Variants in VSIG10 observed in about 807,000 individuals in gnomAD.
The protein encoded by VSIG10 is V-set and immunoglobulin domain-containing protein 10.
A neutral mutation model predicts 58.7 loss-of-function variants in VSIG10; 48 were observed. The ratio of observed to expected loss-of-function variants is 0.82; its 90% CI spans 0.65 to 1.04. The LOEUF is 1.04. VSIG10 is among the 50% of genes least tolerant of loss of function. The pLI, the probability that VSIG10 is intolerant of heterozygous loss-of-function variation, is 0.00. For synonymous variants in VSIG10, 260 were observed against 267.1 expected, an observed-to-expected ratio of 0.97 and a Z score of 0.26; for missense variants, 628 against 670.0, an observed-to-expected ratio of 0.94 and a Z score of 0.69.
intron 2 of VSIG10, among the ~76,000 whole-genome samples, chr12:118,087,202 C>G (rs2033151922): frequency 2.0e-5 from 3 of 152,078 alleles, no homozygotes; most frequent in Admixed American, 6.6e-5. Flanking sequence ...TCAACTTCAC[C>G]TTTCAATTAA....
At chr12:118,080,668 A>G (rs978988092) in intron 3 of VSIG10, among the ~76,000 whole-genome samples, 2 of 152,204 alleles carry the variant, frequency 1.3e-5, no homozygotes, top group Non-Finnish European at 2.9e-5. Context: ...CCATCCACGC[A>G]AGGAACGGAC....
intron 2 of VSIG10, among the ~76,000 whole-genome samples, chr12:118,088,205 C>A (rs568109706): frequency 2.0e-5 from 3 of 150,354 alleles, no homozygotes; most frequent in African/African-American, 7.4e-5. Flanking sequence ...AGCCATTGCA[C>A]TCCAGCCTGG....
rs781283667 is a variant in VSIG10, at chr12:118,073,710, AG to A, written c.1207del (p.Leu403Ter). 6 of 1,609,690 alleles carry A rather than the reference AG, an allele frequency of 3.7e-6. No individual in the cohort carries two copies. The highest frequency in any genetic ancestry group is 5.1e-6 in the Non-Finnish European group (6 of 1,177,434). On this transcript the variant is annotated frameshift_variant, in exon 5 of 9. Coordinates refer to ENST00000359236, the MANE Select transcript of VSIG10 (RefSeq NM_019086.6). LOFTEE classifies it high-confidence loss of function. ...PVGVREMEIW[L>X]SVKEPLNIGG... is the part of the protein sequence containing the mutation. Reference sequence around the variant, plus strand: ...GTTCCACCACTCACCTTTCACACTCAGCCAGATTTCCATCTCCCTCACCCCT... The same window carrying A: ...GTTCCACCACTCACCTTTCACACTCACCAGATTTCCATCTCCCTCACCCCT...
intron 7 of VSIG10, 122 bp from the exon 8 acceptor site, chr12:118,068,719 G>T: frequency 8.0e-7 from 1 of 1,255,694 alleles, no homozygotes; most frequent in South Asian, 1.6e-5. Context: ...ATTACAGCTT[G>T]GTGAAGTAAT....
At chr12:118,096,981 G>A (rs1453364095) in intron 1 of VSIG10, among the ~76,000 whole-genome samples, 1 of 152,188 alleles carries the variant, frequency 6.6e-6, no homozygotes, top group Non-Finnish European at 1.5e-5. Context: ...GGAGGTTGCG[G>A]TGAGCCGAGA....
chr12:118,073,840 G>T lies in VSIG10; in HGVS notation c.1078C>A (p.Arg360Ser), dbSNP rs376013945. The change falls in exon 5 of 9, where the codon CGC (arginine) becomes AGC (serine). Residue 360 changes from arginine to serine, a missense_variant. Arg to Ser is a moderately radical substitution (Grantham distance 110). Transcript: ENST00000359236. ...TGGCCATCCTGGGTAATGAGATGGCGGCTGCTAGGCTGGATGATCACCTCG... is the reference window on the plus strand; with the variant it reads ...TGGCCATCCTGGGTAATGAGATGGCTGCTGCTAGGCTGGATGATCACCTCG... ...QPEVIIQPSS[R>S]HLITQDGQNS... 1.2e-6 allele frequency: 2 copies of T among 1,613,900 alleles called. No homozygotes were observed. Among genetic ancestry groups the T allele is most frequent in the African/African-American group, 2.7e-5 (2 of 75,022 alleles).
chr12:118,071,412 A>G lies in VSIG10; in HGVS notation c.1277T>C (p.Leu426Pro). The change falls in exon 6 of 9, where the codon CTG becomes CCG. Residue 426 changes from leucine (L) to proline (P), a missense_variant. By Grantham distance (98) the Leu-to-Pro change is moderately conservative. Transcript: ENST00000359236. ...CAACAGAAGCCCTGAGATAATGGCC[A>G]GTCCCAGCAGAAGGAGGCTCACAAT... Reference protein sequence around the residue: ...GTIVSLLLLGLAIISGLLLHY... With the variant: ...GTIVSLLLLGPAIISGLLLHY... The G allele has an allele frequency of 1.2e-6, 2 of 1,613,856 alleles. No individual in the cohort carries two copies. The highest frequency in any genetic ancestry group is 1.7e-6 in the Non-Finnish European group (2 of 1,179,882).
intron 5 of VSIG10, among the ~76,000 whole-genome samples, chr12:118,072,357 T>G (rs1381663079): frequency 6.7e-6 from 1 of 150,196 alleles, no homozygotes; most frequent in Non-Finnish European, 1.5e-5. Context: ...CCCAGCTACT[T>G]GGGAGGCTGA....
Position 118,103,611 on chromosome 12 carries a change from C to G in VSIG10, c.61G>C (p.Ala21Pro). The G allele has an allele frequency of 2.0e-6, 3 of 1,521,062 alleles. No individual in the cohort carries two copies. In the South Asian group the frequency reaches 3.6e-5, roughly 18 times the overall value. 94.2% of individuals were successfully genotyped at this position (1,521,062 alleles called of 1,614,324 possible). A position where few individuals can be genotyped will look rare whatever the true frequency, so the allele number is the denominator to read the frequency against. The change falls in exon 1 of 9, where the codon GCC becomes CCC. Residue 21 changes from alanine (A) to proline (P), a missense_variant. By Grantham distance (27) the Ala-to-Pro change is conservative. Transcript: ENST00000359236. ...RVLVCLGALLAGWVAVGLEAV... is the reference protein window; with the variant it reads ...RVLVCLGALLPGWVAVGLEAV... The stretch of plus-strand genomic sequence containing the variant: ...CCCTTACCTACGGCGACCCAGCCGG[C>G]CAGGAGCGCCCCGAGGCAGACGAGG...
intron 2 of VSIG10, among the ~76,000 whole-genome samples, chr12:118,088,041 C>T (rs992157977): frequency 6.6e-6 from 1 of 151,666 alleles, no homozygotes; most frequent in African/African-American, 2.4e-5. Flanking sequence ...GTTAGGAGTT[C>T]AAGACCAGCC....
In VSIG10 at chr12:118,079,602, G is replaced by A. The variant is rs571726166; in HGVS notation, c.669C>T (p.Pro223=). ...KVTTELLVYY[P]PPSAPQCWAQ... is the part of the protein sequence containing the mutation. ...CCCAGCACTGGGGAGCTGATGGAGG[G>A]GGATCTGCAAAACACCAGAGGAAAG... Residue 223 remains proline (P), a synonymous_variant, in exon 4 of 9, where the codon CCC becomes CCT. Coordinates refer to ENST00000359236, the MANE Select transcript of VSIG10 (RefSeq NM_019086.6). 9.9e-6 allele frequency: 16 copies of A among 1,613,848 alleles called. No individual in the cohort carries two copies. The East Asian group carries it at 3.1e-4, about 31-fold the overall frequency.
chr12:118,073,101 T>G (rs562106367), intron 5 of VSIG10, among the ~76,000 whole-genome samples: 24 of 152,218 alleles, frequency 1.6e-4, no homozygotes, highest in African/African-American at 5.8e-4. Flanking sequence ...GACTTCCGAG[T>G]AGCTGGGATT....
intron 1 of VSIG10, chr12:118,102,685 T>C (rs1317310802): frequency 6.6e-6 from 1 of 151,844 alleles, no homozygotes; most frequent in African/African-American, 2.4e-5. Context: ...TTACAACCCA[T>C]CTCCAGAAAC....
Position 118,066,528 on chromosome 12 carries a change from A to T in VSIG10, c.*111T>A, listed in dbSNP as rs2137821505. 8.7e-7 allele frequency: 1 copy of T among 1,152,242 alleles called. No individual in the cohort carries two copies. Among genetic ancestry groups the T allele is most frequent in the South Asian group, 1.2e-5 (1 of 80,058 alleles). 71.4% of individuals were successfully genotyped at this position (1,152,242 alleles called of 1,614,324 possible). On this transcript the variant is annotated 3_prime_UTR_variant, in exon 9 of 9. Coordinates refer to ENST00000359236, the MANE Select transcript of VSIG10 (RefSeq NM_019086.6). ...TTTTTGCTGAGACCCAAACATTGTT[A>T]GTGCAAGCCCCCGCCAGGGGTGCAG...
intron 8 of VSIG10, among the ~76,000 whole-genome samples, 180 bp downstream of exon 8, chr12:118,068,194 CTTT>C (rs71069404): frequency 6.0e-5 from 6 of 100,292 alleles, no homozygotes; most frequent in Admixed American, 1.2e-4. Context: ...GCTAATTTTT[CTTT>C]TTTTTTTTTT....
intron 8 of VSIG10, among the ~76,000 whole-genome samples, 194 bp downstream of exon 8, chr12:118,068,183 G>A (rs938425110): frequency 6.8e-6 from 1 of 146,838 alleles, no homozygotes; most frequent in Non-Finnish European, 1.5e-5. Flanking sequence ...CACCATGACC[G>A]GCTAATTTTT....
chr12:118,077,922 C>T (rs945166301), intron 4 of VSIG10, among the ~76,000 whole-genome samples: 28 of 151,770 alleles, frequency 1.8e-4, no homozygotes, highest in Non-Finnish European at 2.9e-4. Flanking sequence ...CCACTGTGCC[C>T]TCTCTGAATT....
intron 1 of VSIG10, among the ~76,000 whole-genome samples, chr12:118,098,436 C>T (rs1027628801): frequency 3.3e-5 from 5 of 152,116 alleles, no homozygotes; most frequent in African/African-American, 4.8e-5. Context: ...AGTTCAAGTT[C>T]TCTCAGAAGC....
intron 2 of VSIG10, among the ~76,000 whole-genome samples, chr12:118,083,092 A>G (rs1213440916): frequency 7.5e-6 from 1 of 133,498 alleles, no homozygotes; most frequent in African/African-American, 2.9e-5. Flanking sequence ...CAGCCTAAGC[A>G]ACACAGCAAG....
Sources: allele counts gnomAD v4.1 joint callset (sites outside exome capture counted in the v4.1 genomes callset), GRCh38; gene constraint gnomAD v4.1.1; transcripts MANE v1.5; gene names NCBI Gene and HGNC (gene_info 2026-07-23, HGNC 2026-07-21).